CPQ: variants seen among roughly 807,000 people sequenced by gnomAD.
CPQ encodes the protein Ser-Met dipeptidase.
Under a neutral mutation model 45.7 loss-of-function variants are expected in CPQ, and 37 were observed. The observed-to-expected ratio is 0.81, with a 90% CI of 0.62 to 1.07. The LOEUF is 1.07. CPQ is among the 50% of genes least tolerant of loss of function. CPQ has a pLI of 0.00. For missense variants in CPQ, 537 were observed against 572.9 expected, an observed-to-expected ratio of 0.94 and a Z score of 0.64; for synonymous variants, 186 against 205.8, an observed-to-expected ratio of 0.90 and a Z score of 0.82.
At chr8:97,134,955 T>C (rs2130626798) in intron 7 of CPQ, among the ~76,000 whole-genome samples, 1 of 152,296 alleles carries the variant, frequency 6.6e-6, no homozygotes. Flanking sequence ...ATCATCTTCA[T>C]GTAGTACTGA....
rs761812940 is a variant in CPQ, at chr8:96,784,969, C to G, written c.72C>G (p.Cys24Trp). The G allele has an allele frequency of 6.2e-7, 1 of 1,613,548 alleles. No individual in the cohort carries two copies. The highest frequency in any genetic ancestry group is 1.1e-5 in the South Asian group (1 of 91,038). ...LLSLCSGKAI[C>W]KNGISKRTFE... ...CCCTGTGCTCTGGGAAAGCTATATG[C>G]AAGAATGGCATCTCTAAGAGGACTT... is the stretch of plus-strand genomic sequence containing the variant. Residue 24 changes from cysteine (C) to tryptophan (W), a missense_variant, in exon 2 of 8, where the codon TGC becomes TGG. Physicochemically the swap from Cys to Trp is radical, Grantham distance 215 (BLOSUM62 -2). Coordinates refer to ENST00000220763, the MANE Select transcript of CPQ (RefSeq NM_016134.4).
At chr8:96,932,810 C>G (rs903934239) in intron 4 of CPQ, among the ~76,000 whole-genome samples, 3 of 152,168 alleles carry the variant, frequency 2.0e-5, no homozygotes, top group Non-Finnish European at 2.9e-5. Context: ...TTTCCAGCAT[C>G]TAGGAGAGTG....
chr8:96,749,484 A>G (rs535961395), intron 1 of CPQ, among the ~76,000 whole-genome samples: 1 of 152,318 alleles, frequency 6.6e-6, no homozygotes, highest in East Asian at 1.9e-4. Context: ...TCAGAAGTCA[A>G]GAATTCACAA....
chr8:97,050,834 A>C (rs1342254972), intron 6 of CPQ, among the ~76,000 whole-genome samples: 1 of 152,218 alleles, frequency 6.6e-6, no homozygotes, highest in Admixed American at 6.5e-5. Context: ...CTACATAGCA[A>C]CTTAAGTAAT....
intron 6 of CPQ, among the ~76,000 whole-genome samples, chr8:97,042,405 T>C (rs1810145301): frequency 6.6e-6 from 1 of 152,194 alleles, no homozygotes; most frequent in Admixed American, 6.5e-5. Flanking sequence ...GCTAGCAGTC[T>C]ATCAATTTTG....
At chr8:96,714,878 G>A (rs1004577363) in intron 1 of CPQ, among the ~76,000 whole-genome samples, 3 of 151,904 alleles carry the variant, frequency 2.0e-5, no homozygotes, top group African/African-American at 4.8e-5. Context: ...TGAAGCTCTT[G>A]GTGCTTTCAG....
At chr8:96,733,959 C>T (rs532365391) in intron 1 of CPQ, among the ~76,000 whole-genome samples, 69 of 152,280 alleles carry the variant, frequency 4.5e-4, no homozygotes, top group African/African-American at 1.6e-3. Flanking sequence ...ACTAATTTTT[C>T]TCCCCACATA....
intron 6 of CPQ, among the ~76,000 whole-genome samples, chr8:97,044,918 C>T (rs1218701862): frequency 1.3e-5 from 2 of 152,166 alleles, no homozygotes; most frequent in Non-Finnish European, 2.9e-5. Context: ...CCCAGTTAGG[C>T]TGCTGGGGGG....
At chr8:96,881,088 A>G (rs1448951202) in intron 4 of CPQ, among the ~76,000 whole-genome samples, 1 of 152,160 alleles carries the variant, frequency 6.6e-6, no homozygotes, top group Non-Finnish European at 1.5e-5. Context: ...GATAAAACCA[A>G]TAGTTAATAC....
At chr8:97,124,535 G>T (rs1430552232) in intron 7 of CPQ, among the ~76,000 whole-genome samples, 1 of 152,130 alleles carries the variant, frequency 6.6e-6, no homozygotes. Flanking sequence ...GGTTATAAAA[G>T]CTTCTCAACA....
At chr8:96,877,384 G>A (rs1214788073) in intron 3 of CPQ, among the ~76,000 whole-genome samples, 1 of 152,136 alleles carries the variant, frequency 6.6e-6, no homozygotes, top group Non-Finnish European at 1.5e-5. Context: ...TAACCTATAA[G>A]TACAAATCTG....
intron 7 of CPQ, among the ~76,000 whole-genome samples, chr8:97,104,214 T>A (rs1404672829): frequency 6.6e-6 from 1 of 152,172 alleles, no homozygotes; most frequent in Non-Finnish European, 1.5e-5. Flanking sequence ...CATGAGAAGA[T>A]CACTCGACAT....
Position 97,122,936 on chromosome 8 carries a change from TAAAATAAAATA to T in CPQ, c.1256-20080_1256-20070del, listed in dbSNP as rs1563586788. 1.9e-3 allele frequency among the ~76,000 whole-genome samples: 82 copies of T among 43,638 alleles called. 2 individuals are homozygous for T. The highest frequency in any genetic ancestry group is 2.1e-3 in the Non-Finnish European group (62 of 28,940). The allele number at this position is 43,638 out of a possible 152,430, so 28.6% of individuals were successfully genotyped here. A position where few individuals can be genotyped will look rare whatever the true frequency, so the allele number is the denominator to read the frequency against. On this transcript the variant is annotated intron_variant, in intron 7 of 7. Coordinates refer to ENST00000220763, the MANE Select transcript of CPQ (RefSeq NM_016134.4). Reference sequence around the variant, plus strand: ...ATAAAATAAAATAAAATAAATAAAATAAAATAAAATAAAATAAAATAAAATAAAATAAAATA... The same window carrying T: ...ATAAAATAAAATAAAATAAATAAAATAAATAAAATAAAATAAAATAAAATA...
intron 7 of CPQ, among the ~76,000 whole-genome samples, chr8:97,105,166 A>G (rs914917059): frequency 6.6e-6 from 1 of 152,202 alleles, no homozygotes; most frequent in Non-Finnish European, 1.5e-5. Context: ...GTCACGTGGT[A>G]TCACACAGCA....
chr8:96,951,031 T>C (rs1813256084), intron 4 of CPQ, among the ~76,000 whole-genome samples: 1 of 152,174 alleles, frequency 6.6e-6, no homozygotes, highest in African/African-American at 2.4e-5. Flanking sequence ...AAGGAATTTA[T>C]GGAGATTAAA....
chr8:96,707,517 T>G (rs1443959898), intron 1 of CPQ, among the ~76,000 whole-genome samples: 1 of 152,048 alleles, frequency 6.6e-6, no homozygotes, highest in Non-Finnish European at 1.5e-5. Flanking sequence ...ATATTTTATG[T>G]GTGGCCCAAG....
chr8:96,645,931 G>A (rs751267283), intron 1 of CPQ, among the ~76,000 whole-genome samples: 11 of 150,988 alleles, frequency 7.3e-5, no homozygotes, highest in Non-Finnish European at 1.3e-4. Context: ...AGTCCCATCT[G>A]ACTTAGGACT....
chr8:96,786,130 T>C (rs1810765876), intron 2 of CPQ, among the ~76,000 whole-genome samples: 1 of 152,154 alleles, frequency 6.6e-6, no homozygotes. Context: ...TTATAGAACA[T>C]CTTCATCACC....
At chr8:96,891,364 A>T (rs1812373191) in intron 4 of CPQ, among the ~76,000 whole-genome samples, 1 of 152,162 alleles carries the variant, frequency 6.6e-6, no homozygotes. Flanking sequence ...CTCCCTGAGG[A>T]ATGGTGCCAT....
Sources: gnomAD v4.1 joint callset for allele counts (sites outside exome capture counted in the v4.1 genomes callset) on GRCh38, gnomAD v4.1.1 for gene constraint, MANE v1.5 for transcripts, NCBI Gene and HGNC (gene_info 2026-07-23, HGNC 2026-07-21) for gene names.